Variants in ITGA10 observed in about 807,000 individuals in gnomAD.
ITGA10 encodes integrin alpha-10.
Under a neutral mutation model 145.2 loss-of-function variants are expected in ITGA10, and 105 were observed. That is an observed-to-expected ratio of 0.72 (90% confidence interval 0.62 to 0.85). The LOEUF (loss-of-function observed/expected upper bound fraction) is 0.85. Ranked by LOEUF, ITGA10 falls within the 40% of genes least tolerant of loss-of-function variation. The pLI is 0.00. For synonymous variants in ITGA10, 506 were observed against 557.8 expected (o/e 0.91, Z 1.31); for missense variants, 1,317 against 1,444.5 (o/e 0.91, Z 1.43).
rs1553749878 is a variant in ITGA10 at position 145,903,260 on chromosome 1, A to T, written c.759-299T>A. Among the ~76,000 whole-genome samples, 3 of 152,284 alleles carry T rather than the reference A, an allele frequency of 2.0e-5. 1 individual carries two copies. Among genetic ancestry groups the T allele is most frequent in the Admixed American group, 6.5e-5 (1 of 15,292 alleles). On this transcript the variant is annotated intron_variant, in intron 7 of 29. Coordinates refer to ENST00000369304, the MANE Select transcript of ITGA10 (RefSeq NM_003637.5). ...TCATTCAACAAATATTGCACTTGGG[A>T]GGGGAAATATCGATGAAATATAGAA...
At chr1:145,903,811 G>A (rs879959555) in intron 7 of ITGA10, among the ~76,000 whole-genome samples, 34 of 151,778 alleles carry the variant, frequency 2.2e-4, no homozygotes, top group Non-Finnish European at 3.8e-4. Flanking sequence ...CTCAGCCTCC[G>A]AAGTAGCATG....
chr1:145,898,070 G>A (rs373808079), intron 18 of ITGA10, 40 bp downstream of exon 18: 16 of 1,442,586 alleles, frequency 1.1e-5, no homozygotes, highest in East Asian at 2.3e-5. Context: ...TTGAAGGAGG[G>A]CAGTGTTGGG....
chr1:145,905,173 G>T (rs1160701877), intron 5 of ITGA10, among the ~76,000 whole-genome samples: 4 of 152,070 alleles, frequency 2.6e-5, no homozygotes, highest in Non-Finnish European at 5.9e-5. Flanking sequence ...TATGGTGGGG[G>T]AACAAAAGCA....
chr1:145,895,963 C>T lies in ITGA10; in HGVS notation c.3033+20G>A. On this transcript the variant is annotated intron_variant, in intron 25 of 29. Coordinates refer to ENST00000369304, the MANE Select transcript of ITGA10 (RefSeq NM_003637.5). Reference sequence around the variant, plus strand: ...CAGCTCAAGGTGGCAGGATTCCATGCCCTCCTAGACCAGACTCACATTGTT... The same window carrying T: ...CAGCTCAAGGTGGCAGGATTCCATGTCCTCCTAGACCAGACTCACATTGTT... 6.3e-7 allele frequency: 1 copy of T among 1,576,390 alleles called. No individual in the cohort carries two copies.
In ITGA10 at chr1:145,907,634, G is replaced by GTACAC. The variant is rs1553751822; in HGVS notation, c.53-170_53-169insGTGTA. ...TGTACTCAGAGCTCCAGGCAAAGAT[G>GTACAC]ATTCCCTTCCTGTGTTTGTGTCCAG... On this transcript the variant is annotated intron_variant, in intron 1 of 29. Coordinates refer to ENST00000369304, the MANE Select transcript of ITGA10 (RefSeq NM_003637.5). The GTACAC allele has an allele frequency of 1.6e-4, 159 of 983,764 alleles. 1 individual carries two copies. Among genetic ancestry groups the GTACAC allele is most frequent in the African/African-American group, 8.2e-4 (47 of 57,152 alleles). The allele number at this position is 983,764 out of a possible 1,614,324, so 60.9% of individuals were successfully genotyped here. A position where few individuals can be genotyped will look rare whatever the true frequency, so the allele number is the denominator to read the frequency against.
At chr1:145,895,477 T>C in intron 26 of ITGA10, 84 bp from the exon 27 acceptor site, 1 of 1,385,822 alleles carries the variant, frequency 7.2e-7, no homozygotes, top group East Asian at 2.3e-5. Flanking sequence ...CACAGTCTTG[T>C]CCCAAGGCAC....
chr1:145,907,248 A>T, intron 2 of ITGA10, 98 bp from the exon 3 acceptor site: 2 of 1,592,916 alleles, frequency 1.3e-6, no homozygotes, highest in Non-Finnish European at 8.6e-7. Flanking sequence ...TTAGAGCCCC[A>T]GCCACTTTCA....
rs587631568 is a variant in ITGA10 at position 145,895,496 on chromosome 1, A to C, written c.3115-103T>G. 37 of 1,340,272 alleles carry C rather than the reference A, an allele frequency of 2.8e-5. No homozygotes were observed. In the South Asian group the frequency reaches 3.8e-4, roughly 14 times the overall value. The allele number at this position is 1,340,272 out of a possible 1,614,324, so 83.0% of individuals were successfully genotyped here. ...GTCTTGTCCCAAGGCACCTGACTCC[A>C]TTTTCATTCCCACTCCAGATCAGGA... is the stretch of plus-strand genomic sequence containing the variant. On this transcript the variant is annotated intron_variant, in intron 26 of 29. Coordinates refer to ENST00000369304, the MANE Select transcript of ITGA10 (RefSeq NM_003637.5).
chr1:145,909,987 A>G lies in ITGA10; in HGVS notation c.28T>C (p.Phe10Leu), dbSNP rs1277011698. 2 of 1,613,438 alleles carry G rather than the reference A, an allele frequency of 1.2e-6. No homozygotes were observed. The highest frequency in any genetic ancestry group is 2.2e-5 in the East Asian group (1 of 44,876). Residue 10 changes from phenylalanine to leucine, a missense_variant, in exon 1 of 30, where the codon TTC becomes CTC. Phe to Leu is a conservative substitution (Grantham distance 22). Transcript: ENST00000369304. Reference protein sequence around the residue: MELPFVTHLFLPLVFLTGLC... With the variant: MELPFVTHLLLPLVFLTGLC... The stretch of plus-strand genomic sequence containing the variant: ...CCTGTCAGGAACACCAGGGGCAAGA[A>G]CAGGTGAGTGACGAAGGGGAGTTCC...
intron 6 of ITGA10, among the ~76,000 whole-genome samples, chr1:145,904,401 A>G (rs1050137212): frequency 2.0e-5 from 3 of 151,326 alleles, no homozygotes; most frequent in African/African-American, 7.3e-5. Flanking sequence ...ATGAGGTCTC[A>G]CTCTTTCACC....
Position 145,895,990 on chromosome 1 carries a change from G to T in ITGA10, c.3026C>A (p.Thr1009Asn). ...CTCCTAGACCAGACTCACATTGTTAGTGATGACTTGAGACAGTGATAGGAA... is the reference window on the plus strand; with the variant it reads ...CTCCTAGACCAGACTCACATTGTTATTGATGACTTGAGACAGTGATAGGAA... ...NYFLSLSQVI[T>N]NNASCIVQNL... Residue 1009 changes from threonine (T) to asparagine (N), a missense_variant, in exon 25 of 30, where the codon ACT (threonine) becomes AAT (asparagine). Physicochemically the swap from Thr to Asn is moderately conservative, Grantham distance 65 (BLOSUM62 0). Coordinates refer to ENST00000369304, the MANE Select transcript of ITGA10 (RefSeq NM_003637.5). The T allele has an allele frequency of 6.2e-7, 1 of 1,611,810 alleles. No individual in the cohort carries two copies. Among genetic ancestry groups the T allele is most frequent in the Non-Finnish European group, 8.5e-7 (1 of 1,177,930 alleles).
At position 145,904,902 on chromosome 1, in the gene ITGA10, T is replaced by C; in HGVS notation, c.482-91A>G. The C allele has an allele frequency of 3.6e-6, 5 of 1,379,460 alleles. No homozygotes were observed. The South Asian group carries it at 6.6e-5, about 18-fold the overall frequency. 85.5% of individuals were successfully genotyped at this position (1,379,460 alleles called of 1,614,324 possible). On this transcript the variant is annotated intron_variant, in intron 5 of 29. Transcript: ENST00000369304. ...AGGAGGACACATTCAATTTAGACATTTATAAGGCACTTCTTACATGCAAAG... is the reference window on the plus strand; with the variant it reads ...AGGAGGACACATTCAATTTAGACATCTATAAGGCACTTCTTACATGCAAAG...
Position 145,892,809 on chromosome 1 carries a change from A to ACTTCT in ITGA10, c.3488_3492dup (p.Leu1165ArgfsTer12), listed in dbSNP as rs781870714. On this transcript the variant is annotated frameshift_variant, in exon 30 of 30. Coordinates refer to ENST00000369304, the MANE Select transcript of ITGA10 (RefSeq NM_003637.5). LOFTEE classifies it high-confidence loss of function. ...CCCTTATTCTACATTCATTGCTCCAACTTCTCTTCTCTTTTTTCTTCCTCA... is the reference window on the plus strand; with the variant it reads ...CCCTTATTCTACATTCATTGCTCCAACTTCTCTTCTCTTCTCTTTTTTCTTCCTCA... 21 of 1,613,044 alleles carry ACTTCT rather than the reference A, an allele frequency of 1.3e-5. No homozygotes were observed. The highest frequency in any genetic ancestry group is 1.8e-5 in the Non-Finnish European group (21 of 1,179,196).
intron 29 of ITGA10, 114 bp from the exon 30 acceptor site, chr1:145,892,977 A>C: frequency 1.0e-6 from 1 of 992,106 alleles, no homozygotes; most frequent in Non-Finnish European, 1.6e-6. Context: ...AATGGAATTC[A>C]AATTTATTTT....
intron 25 of ITGA10, 122 bp from the exon 26 acceptor site, chr1:145,895,833 A>T (rs1553744819): frequency 1.9e-6 from 2 of 1,035,408 alleles, no homozygotes; most frequent in African/African-American, 3.2e-5. Context: ...TCTTCTCTCT[A>T]ATAAGCCACA....
At position 145,906,720 on chromosome 1, in the gene ITGA10, C is replaced by T. The variant is rs782480705; in HGVS notation, c.366+13G>A. ...CCTTCAGAGACACTGCCACCACCCT[C>T]TCCTTAGCTCACCATGAATCCCCCA... On this transcript the variant is annotated intron_variant, in intron 4 of 29. Transcript: ENST00000369304. 6.3e-7 allele frequency: 1 copy of T among 1,592,596 alleles called. No homozygotes were observed. The highest frequency in any genetic ancestry group is 8.6e-7 in the Non-Finnish European group (1 of 1,160,566).
At chr1:145,908,855 T>A in intron 1 of ITGA10, among the ~76,000 whole-genome samples, 1 of 152,292 alleles carries the variant, frequency 6.6e-6, no homozygotes. Flanking sequence ...GACCACATAG[T>A]TAGTCAGTTA....
Position 145,893,523 on chromosome 1 carries a change from T to G in ITGA10, c.3324+17A>C. The G allele has an allele frequency of 6.3e-6, 10 of 1,590,440 alleles. No homozygotes were observed. Among genetic ancestry groups the G allele is most frequent in the Non-Finnish European group, 8.6e-6 (10 of 1,163,574 alleles). On this transcript the variant is annotated intron_variant, in intron 28 of 29. Transcript: ENST00000369304. ...ATCATTATTTTCACAGCTCTCAGACTCGGTCTCCAGCCCTACCTCACTCCA... is the reference window on the plus strand; with the variant it reads ...ATCATTATTTTCACAGCTCTCAGACGCGGTCTCCAGCCCTACCTCACTCCA...
At chr1:145,896,239 C>T (rs781900568) in intron 24 of ITGA10, 29 bp downstream of exon 24, 8 of 1,580,580 alleles carry the variant, frequency 5.1e-6, no homozygotes, top group Non-Finnish European at 6.1e-6. Context: ...CCACATTCTC[C>T]TCATGCCAAG....
Sources: allele counts gnomAD v4.1 joint callset (sites outside exome capture counted in the v4.1 genomes callset), GRCh38; gene constraint gnomAD v4.1.1; transcripts MANE v1.5; gene names NCBI Gene and HGNC (gene_info 2026-07-23, HGNC 2026-07-21).